Variants in SLC9C2 observed in about 807,000 individuals in gnomAD.
SLC9C2 encodes sodium/hydrogen exchanger 11.
A neutral mutation model predicts 140.2 loss-of-function variants in SLC9C2; 75 were observed. The observed-to-expected ratio is 0.53, with a 90% CI of 0.44 to 0.65. The LOEUF (loss-of-function observed/expected upper bound fraction) is 0.65. SLC9C2 is among the 30% of genes least tolerant of loss of function. The pLI is 0.00. For missense variants in SLC9C2, 1,074 were observed against 1,331.8 expected, an observed-to-expected ratio of 0.81 and a Z score of 3.01; for synonymous variants, 375 against 420.9, an observed-to-expected ratio of 0.89 and a Z score of 1.34.
At chr1:173,576,790 A>C in intron 7 of SLC9C2, 30 bp from the exon 8 acceptor site, 1 of 1,362,302 alleles carries the variant, frequency 7.3e-7, no homozygotes, top group African/African-American at 1.5e-5. Flanking sequence ...AAATGAATCA[A>C]ATGCAATGTA....
intron 4 of SLC9C2, among the ~76,000 whole-genome samples, chr1:173,593,229 A>G (rs1201154769): frequency 6.6e-6 from 1 of 152,190 alleles, no homozygotes; most frequent in Non-Finnish European, 1.5e-5. Context: ...ACACATATCA[A>G]TAATAACCTT....
rs891112373 is a variant in SLC9C2 at position 173,505,460 on chromosome 1, T to C, written c.3226-129A>G. The C allele has an allele frequency of 6.1e-6, 4 of 658,464 alleles. No homozygotes were observed. In the African/African-American group the frequency reaches 7.3e-5, roughly 12 times the overall value. 40.8% of individuals were successfully genotyped at this position (658,464 alleles called of 1,614,324 possible). Reference sequence around the variant, plus strand: ...AGCTGGGTCTTCAATCTTGGCTCTATATTCTAAATTTCAAATCCTCTTTGA... The same window carrying C: ...AGCTGGGTCTTCAATCTTGGCTCTACATTCTAAATTTCAAATCCTCTTTGA... On this transcript the variant is annotated intron_variant, in intron 25 of 27. Coordinates refer to ENST00000367714, the MANE Select transcript of SLC9C2 (RefSeq NM_178527.4).
At chr1:173,598,769 C>G (rs566936317) in intron 3 of SLC9C2, among the ~76,000 whole-genome samples, 1 of 152,204 alleles carries the variant, frequency 6.6e-6, no homozygotes, top group African/African-American at 2.4e-5. Flanking sequence ...TTAATAAATA[C>G]AAAGCACTTA....
chr1:173,551,261 G>C (rs566356803), intron 11 of SLC9C2, among the ~76,000 whole-genome samples: 2 of 152,030 alleles, frequency 1.3e-5, no homozygotes, highest in African/African-American at 4.8e-5. Context: ...TACCAATTTG[G>C]TTTATCAAGA....
rs1391262648 is a variant in SLC9C2, at chr1:173,500,471, C to T, written c.*623G>A. On this transcript the variant is annotated 3_prime_UTR_variant, in exon 28 of 28. Transcript: ENST00000367714. ...ATGGGTTCTAATAATAAATAGACAA[C>T]CATAAAACTCAACTTTATTTGATTT... 1.3e-5 allele frequency: 2 copies of T among 152,004 alleles called. No individual in the cohort carries two copies. The highest frequency in any genetic ancestry group is 6.5e-5 in the Admixed American group (1 of 15,272). The allele number at this position is 152,004 out of a possible 1,614,324, so 9.4% of individuals were successfully genotyped here. A position where few individuals can be genotyped will look rare whatever the true frequency, so the allele number is the denominator to read the frequency against.
chr1:173,544,263 A>T (rs1662667926), intron 13 of SLC9C2, among the ~76,000 whole-genome samples: 2 of 152,244 alleles, frequency 1.3e-5, no homozygotes, highest in Admixed American at 6.5e-5. Flanking sequence ...AAAAATGCTC[A>T]TCATCATTGG....
At chr1:173,529,039 A>G (rs1273232691) in intron 18 of SLC9C2, among the ~76,000 whole-genome samples, 2 of 152,222 alleles carry the variant, frequency 1.3e-5, no homozygotes, top group Non-Finnish European at 2.9e-5. Context: ...AGTTGTTATG[A>G]AAAGGAAGCA....
At chr1:173,586,840 G>A (rs1287866006) in intron 5 of SLC9C2, among the ~76,000 whole-genome samples, 3 of 152,108 alleles carry the variant, frequency 2.0e-5, no homozygotes, top group Non-Finnish European at 2.9e-5. Context: ...GAGAACATAT[G>A]GACACAGGGA....
At chr1:173,540,476 C>T (rs1291671413) in intron 13 of SLC9C2, among the ~76,000 whole-genome samples, 1 of 152,090 alleles carries the variant, frequency 6.6e-6, no homozygotes, top group Non-Finnish European at 1.5e-5. Context: ...ACTGCATTAG[C>T]TTTGGAACTG....
At chr1:173,512,033 C>T (rs1393719290) in intron 23 of SLC9C2, among the ~76,000 whole-genome samples, 1 of 152,162 alleles carries the variant, frequency 6.6e-6, no homozygotes, top group African/African-American at 2.4e-5. Context: ...GTACCAGTAC[C>T]ATGCTATTTT....
intron 5 of SLC9C2, among the ~76,000 whole-genome samples, chr1:173,586,401 T>C (rs904325984): frequency 6.6e-6 from 1 of 152,218 alleles, no homozygotes; most frequent in African/African-American, 2.4e-5. Context: ...CTAAATACAA[T>C]TGATACTTTA....
intron 11 of SLC9C2, among the ~76,000 whole-genome samples, chr1:173,552,112 A>G (rs1355565207): frequency 6.6e-6 from 1 of 152,246 alleles, no homozygotes; most frequent in Non-Finnish European, 1.5e-5. Flanking sequence ...CTTTAGCCAA[A>G]ATCTAATCTG....
intron 10 of SLC9C2, among the ~76,000 whole-genome samples, chr1:173,555,693 T>C (rs938118725): frequency 2.6e-5 from 4 of 152,188 alleles, no homozygotes; most frequent in Admixed American, 2.0e-4. Context: ...TTTTGGAGCA[T>C]GGAAAGAACC....
At chr1:173,594,647 G>GT (rs369707668) in intron 4 of SLC9C2, among the ~76,000 whole-genome samples, 230 of 152,228 alleles carry the variant, frequency 1.5e-3, no homozygotes, top group African/African-American at 5.3e-3. Flanking sequence ...AGGGATGGTA[G>GT]TATTATGTCA....
chr1:173,591,901 T>TG (rs200270366), intron 4 of SLC9C2, among the ~76,000 whole-genome samples: 1,766 of 152,382 alleles, frequency 0.012, 45 homozygotes, highest in African/African-American at 0.041. Context: ...TTGCTTTTGT[T>TG]GCAGTTGCCT....
At chr1:173,517,514 T>G (rs1660504272) in intron 23 of SLC9C2, 23 bp downstream of exon 23, 1 of 1,573,076 alleles carries the variant, frequency 6.4e-7, no homozygotes, top group South Asian at 1.2e-5. Flanking sequence ...AATTAATAAC[T>G]CATGACAGAA....
At chr1:173,538,821 T>G (rs1050395777) in intron 13 of SLC9C2, among the ~76,000 whole-genome samples, 12 of 152,176 alleles carry the variant, frequency 7.9e-5, no homozygotes, top group African/African-American at 2.4e-4. Context: ...GAGCATCAGT[T>G]AGAGAAACAG....
chr1:173,560,542 G>A (rs1164891995), intron 9 of SLC9C2, among the ~76,000 whole-genome samples: 3 of 152,204 alleles, frequency 2.0e-5, no homozygotes, highest in Non-Finnish European at 2.9e-5. Context: ...CCAAAGCTCA[G>A]GGGAGCCTTG....
intron 24 of SLC9C2, among the ~76,000 whole-genome samples, chr1:173,507,848 G>T (rs1178330966): frequency 1.3e-5 from 2 of 152,184 alleles, no homozygotes; most frequent in African/African-American, 4.8e-5. Flanking sequence ...CTAGCCTCCA[G>T]AACTGTGAAA....
Sources: allele counts gnomAD v4.1 joint callset (sites outside exome capture counted in the v4.1 genomes callset), GRCh38; gene constraint gnomAD v4.1.1; transcripts MANE v1.5; gene names NCBI Gene and HGNC (gene_info 2026-07-23, HGNC 2026-07-21).